SLC26A11: variants seen among roughly 807,000 people sequenced by gnomAD.
SLC26A11 encodes the protein solute carrier family 26 member 11.
A neutral mutation model predicts 62.2 loss-of-function variants in SLC26A11; 58 were observed. The observed-to-expected ratio is 0.93, with a 90% CI of 0.76 to 1.16. The LOEUF (loss-of-function observed/expected upper bound fraction) is 1.16. Among genes scored for constraint, SLC26A11 ranks in the 50% most tolerant of loss-of-function variants. The pLI, the probability that SLC26A11 is intolerant of heterozygous loss-of-function variation, is 0.00. For synonymous variants in SLC26A11, 411 were observed against 368.9 expected (o/e 1.11, Z -1.31); for missense variants, 790 against 794.3 (o/e 0.99, Z 0.06).
chr17:80,222,927 G>C lies in SLC26A11; in HGVS notation c.427+80G>C. 7.1e-7 allele frequency: 1 copy of C among 1,402,884 alleles called. No individual in the cohort carries two copies. Among genetic ancestry groups the C allele is most frequent in the South Asian group, 1.3e-5 (1 of 79,852 alleles). 86.9% of individuals were successfully genotyped at this position (1,402,884 alleles called of 1,614,324 possible). A position where few individuals can be genotyped will look rare whatever the true frequency, so the allele number is the denominator to read the frequency against. On this transcript the variant is annotated intron_variant, in intron 4 of 17. Coordinates refer to ENST00000361193, the MANE Select transcript of SLC26A11 (RefSeq NM_001166347.2). This position sits in a 1 kb window ranked among gnomAD's most constrained non-coding sequence, Gnocchi z 4.7. ...TTGCATTTCAAGTCTATCCCCGTGT[G>C]CGTGTGTGTGCGTGTTGGGGTGTGG...
intron 14 of SLC26A11, 115 bp downstream of exon 14, chr17:80,248,372 G>C: frequency 7.1e-7 from 1 of 1,418,204 alleles, no homozygotes; most frequent in Non-Finnish European, 9.4e-7. Flanking sequence ...GAAGGGGACC[G>C]CTCGCTGGCA....
chr17:80,251,235 C>T, intron 16 of SLC26A11, 94 bp from the exon 17 acceptor site: 1 of 1,612,174 alleles, frequency 6.2e-7, no homozygotes, highest in Non-Finnish European at 8.5e-7. Flanking sequence ...CCATACCTCT[C>T]CGGGAGACTC....
chr17:80,221,835 A>T, intron 3 of SLC26A11, 41 bp downstream of exon 3: 1 of 1,562,506 alleles, frequency 6.4e-7, no homozygotes, highest in Non-Finnish European at 8.7e-7. Context: ...TCTCAGAAAC[A>T]GTGCAGAATA....
At chr17:80,245,085 C>A in intron 10 of SLC26A11, 111 bp from the exon 11 acceptor site, 1 of 932,796 alleles carries the variant, frequency 1.1e-6, no homozygotes. Context: ...ATGATTCTCC[C>A]GAGCCCTGCC....
chr17:80,230,844 A>T (rs1266395416), intron 7 of SLC26A11, among the ~76,000 whole-genome samples: 6 of 152,208 alleles, frequency 3.9e-5, no homozygotes, highest in Admixed American at 6.5e-5. Flanking sequence ...CAGCTTTGAG[A>T]ATGAGTTTAT....
At chr17:80,230,827 C>T (rs547240256) in intron 7 of SLC26A11, among the ~76,000 whole-genome samples, 1 of 152,288 alleles carries the variant, frequency 6.6e-6, no homozygotes, top group South Asian at 2.1e-4. Flanking sequence ...GCTTTTGATT[C>T]TTATAACAGC....
In SLC26A11 at chr17:80,237,568, A is replaced by G; in HGVS notation, c.959A>G (p.Glu320Gly). 6.2e-7 allele frequency: 1 copy of G among 1,612,110 alleles called. No homozygotes were observed. Among genetic ancestry groups the G allele is most frequent in the Non-Finnish European group, 8.5e-7 (1 of 1,179,340 alleles). Residue 320 changes from glutamate to glycine, a missense_variant, in exon 9 of 18, where the codon GAG (glutamate) becomes GGG (glycine). Coordinates refer to ENST00000361193, the MANE Select transcript of SLC26A11 (RefSeq NM_001166347.2). ...GTGGTGCCCCTGATGGGCCTCCTGG[A>G]GAGCATTGCGGTGGCCAAAGCCTTC... ...LAVVPLMGLL[E>G]SIAVAKAFAS... is the part of the protein sequence containing the mutation.
In SLC26A11 at chr17:80,245,226, C is replaced by A; in HGVS notation, c.1067C>A (p.Ser356Tyr). The A allele has an allele frequency of 6.2e-7, 1 of 1,614,028 alleles. No individual in the cohort carries two copies. Among genetic ancestry groups the A allele is most frequent in the Non-Finnish European group, 8.5e-7 (1 of 1,180,022 alleles). Residue 356 changes from serine to tyrosine, a missense_variant, in exon 11 of 18, where the codon TCC (serine) becomes TAC (tyrosine). Ser to Tyr is a moderately radical substitution (Grantham distance 144). Transcript: ENST00000361193. The part of the protein sequence containing the change: ...GLTNMLGSLV[S>Y]SYPVTGSFGR... ...ACCAACATGTTGGGCTCCCTCGTCT[C>A]CTCCTACCCGGTCACAGGCAGCTTT... is the stretch of plus-strand genomic sequence containing the variant.
In SLC26A11 at chr17:80,220,714, A is replaced by G. The variant is rs183774386; in HGVS notation, c.-213-202A>G. On this transcript the variant is annotated intron_variant, in intron 1 of 17. Coordinates refer to ENST00000361193, the MANE Select transcript of SLC26A11 (RefSeq NM_001166347.2). ...GGGACCGCGGACGGTCAGGTGGCGC[A>G]GGGTCTCCTCCGGAGACCCCAGGAT... Among the ~76,000 whole-genome samples the G allele has an allele frequency of 0.064, 9,637 of 151,600 alleles. 1,047 individuals carry two copies. Among genetic ancestry groups the G allele is most frequent in the African/African-American group, 0.22 (9,085 of 41,354 alleles).
chr17:80,236,509 T>C (rs568250155), intron 7 of SLC26A11, among the ~76,000 whole-genome samples: 14 of 152,390 alleles, frequency 9.2e-5, no homozygotes, highest in African/African-American at 3.1e-4. Flanking sequence ...TCATGGCTGC[T>C]GTCCCGCGTC....
At chr17:80,237,465 C>T in intron 8 of SLC26A11, 57 bp from the exon 9 acceptor site, 1 of 1,506,766 alleles carries the variant, frequency 6.6e-7, no homozygotes. Context: ...TTTCATGGGT[C>T]ACTGCTGGGT....
chr17:80,248,321 T>C (rs1465496731), intron 14 of SLC26A11, 64 bp downstream of exon 14: 16 of 1,550,466 alleles, frequency 1.0e-5, no homozygotes, highest in East Asian at 9.3e-5. Flanking sequence ...CATGGTCTTA[T>C]GTTTTGAGGG....
chr17:80,242,983 A>G (rs1393549374), intron 10 of SLC26A11, among the ~76,000 whole-genome samples: 1 of 152,198 alleles, frequency 6.6e-6, no homozygotes, highest in Non-Finnish European at 1.5e-5. Context: ...CTGGGATTAC[A>G]GGCGTGAGCC....
chr17:80,243,491 G>A (rs1598832671), intron 10 of SLC26A11, among the ~76,000 whole-genome samples: 1 of 152,160 alleles, frequency 6.6e-6, no homozygotes, highest in African/African-American at 2.4e-5. Context: ...TCCGTCTCCT[G>A]GGTTCAAGCG....
In SLC26A11 at chr17:80,252,527, C is replaced by T. The variant is rs1440530053; in HGVS notation, c.1730-98C>T. Reference sequence around the variant, plus strand: ...CCACAGCTCCTTCCTGCACACCTTCCAGGACTCTGGAAGGCCCTCCTTAAT... The same window carrying T: ...CCACAGCTCCTTCCTGCACACCTTCTAGGACTCTGGAAGGCCCTCCTTAAT... On this transcript the variant is annotated intron_variant, in intron 17 of 17. Coordinates refer to ENST00000361193, the MANE Select transcript of SLC26A11 (RefSeq NM_001166347.2). The surrounding 1 kb of genome is among the most constrained non-coding windows in gnomAD (Gnocchi z 5.2). 8.7e-7 allele frequency: 1 copy of T among 1,146,010 alleles called. No individual in the cohort carries two copies. Among genetic ancestry groups the T allele is most frequent in the African/African-American group, 1.5e-5 (1 of 65,142 alleles). The allele number at this position is 1,146,010 out of a possible 1,614,324, so 71.0% of individuals were successfully genotyped here.
chr17:80,229,941 C>T (rs1252153837), intron 7 of SLC26A11, among the ~76,000 whole-genome samples: 4 of 152,096 alleles, frequency 2.6e-5, no homozygotes, highest in Non-Finnish European at 5.9e-5. Context: ...TGGTGGCTCA[C>T]GCCTGTAATC....
chr17:80,243,704 C>T (rs554674467), intron 10 of SLC26A11, among the ~76,000 whole-genome samples: 3 of 152,332 alleles, frequency 2.0e-5, no homozygotes, highest in South Asian at 4.1e-4. Flanking sequence ...GCCCTATTCC[C>T]ATTACTTTAA....
intron 17 of SLC26A11, among the ~76,000 whole-genome samples, chr17:80,251,629 G>T (rs752015989): frequency 6.6e-6 from 1 of 152,050 alleles, no homozygotes; most frequent in African/African-American, 2.4e-5. Context: ...TGGGTGTGGT[G>T]GCATGCACCT....
Position 80,249,286 on chromosome 17 carries a change from A to G in SLC26A11, c.1655A>G (p.Gln552Arg), listed in dbSNP as rs373957119. ...QGVALAFVGL[Q>R]VPVLRVLLSA... ...GTCGCCCTGGCCTTTGTGGGCCTGC[A>G]GGTGGGTGTGCACTGGGCTGCCTTA... Residue 552 changes from glutamine (Q) to arginine (R), a missense_variant and splice_region_variant, in exon 16 of 18, where the codon CAG (glutamine) becomes CGG (arginine). Physicochemically the swap from Gln to Arg is conservative, Grantham distance 43 (BLOSUM62 1). Transcript: ENST00000361193. The G allele has an allele frequency of 2.5e-6, 4 of 1,609,734 alleles. No individual in the cohort carries two copies. In the African/African-American group the frequency reaches 4.0e-5, roughly 16 times the overall value.
Sources: allele counts gnomAD v4.1 joint callset (sites outside exome capture counted in the v4.1 genomes callset), GRCh38; gene constraint gnomAD v4.1.1; non-coding constraint Gnocchi (gnomAD v3.1); transcripts MANE v1.5; gene names NCBI Gene and HGNC (gene_info 2026-07-23, HGNC 2026-07-21).